The following ENTREP2 variants were observed in gnomAD, a reference collection of about 807,000 sequenced individuals.
ENTREP2 encodes endosomal transmembrane epsin interactor 2.
the ENTREP2 span, among the ~76,000 whole-genome samples, chr15:29,623,363 G>A: frequency 6.6e-6 from 1 of 152,308 alleles, no homozygotes; most frequent in Non-Finnish European, 1.5e-5. Flanking sequence ...ATAGCTAATT[G>A]TAATTTACTC....
At chr15:29,171,658 G>C in the ENTREP2 span, among the ~76,000 whole-genome samples, 2 of 152,004 alleles carry the variant, frequency 1.3e-5, no homozygotes, top group Non-Finnish European at 2.9e-5. Context: ...ATGTAAAGGC[G>C]ATTAGGTACT....
the ENTREP2 span, among the ~76,000 whole-genome samples, chr15:29,538,638 C>CAAAAAAAAAAAA: frequency 6.3e-5 from 5 of 78,972 alleles, no homozygotes; most frequent in East Asian, 3.8e-4. Flanking sequence ...ACTAAAAATA[C>CAAAAAAAAAAAA]AAAAAAAAAA....
the ENTREP2 span, among the ~76,000 whole-genome samples, chr15:29,422,546 A>AGTT: frequency 2.0e-5 from 3 of 152,228 alleles, no homozygotes; most frequent in Non-Finnish European, 4.4e-5. Flanking sequence ...ATAAGGGTAG[A>AGTT]GTACAAGACA....
chr15:29,234,298 A>G, the ENTREP2 span: 1 of 1,611,506 alleles, frequency 6.2e-7, no homozygotes, highest in African/African-American at 1.3e-5. Flanking sequence ...CTTTCGGGTC[A>G]AAAAGATATA....
the ENTREP2 span, among the ~76,000 whole-genome samples, chr15:29,588,101 C>T: frequency 0.67 from 102,425 of 152,052 alleles, 35,061 homozygotes; most frequent in South Asian, 0.79. Context: ...AAGACATGAA[C>T]TGAAACAAGA....
the ENTREP2 span, among the ~76,000 whole-genome samples, chr15:29,223,405 A>G: frequency 6.6e-6 from 1 of 152,066 alleles, no homozygotes; most frequent in African/African-American, 2.4e-5. Context: ...CCCAGCTCCA[A>G]TGGCTCTCTA....
chr15:29,566,400 G>A, the ENTREP2 span, among the ~76,000 whole-genome samples: 2 of 151,800 alleles, frequency 1.3e-5, no homozygotes, highest in Admixed American at 6.6e-5. Flanking sequence ...TCCTGACCTC[G>A]TGATCCACCT....
At chr15:29,551,972 G>A in the ENTREP2 span, among the ~76,000 whole-genome samples, 1 of 152,194 alleles carries the variant, frequency 6.6e-6, no homozygotes, top group African/African-American at 2.4e-5. Flanking sequence ...AAAAAATGCT[G>A]TGACTCCCTG....
chr15:29,126,368 A>G, the ENTREP2 span: 1 of 1,543,586 alleles, frequency 6.5e-7, no homozygotes, highest in Non-Finnish European at 8.7e-7. Context: ...CTCTGGAGAC[A>G]CATGGCCAGG....
the ENTREP2 span, chr15:29,265,959 A>G: frequency 6.6e-6 from 1 of 152,238 alleles, no homozygotes; most frequent in African/African-American, 2.4e-5. Context: ...TTTTTAAAGC[A>G]CTATACACAA....
the ENTREP2 span, among the ~76,000 whole-genome samples, chr15:29,621,588 C>CAAAAA: frequency 3.0e-3 from 177 of 58,834 alleles, 1 homozygote; most frequent in Non-Finnish European, 3.7e-3. Flanking sequence ...TGGCCACTAT[C>CAAAAA]AAAAAAAAAA....
the ENTREP2 span, among the ~76,000 whole-genome samples, chr15:29,530,672 G>A: frequency 6.6e-6 from 1 of 152,234 alleles, no homozygotes; most frequent in Non-Finnish European, 1.5e-5. Flanking sequence ...GCACCCAGTC[G>A]TTCCCTGTGT....
the ENTREP2 span, among the ~76,000 whole-genome samples, chr15:29,305,835 G>C: frequency 1.3e-5 from 2 of 152,236 alleles, no homozygotes; most frequent in African/African-American, 4.8e-5. Flanking sequence ...AGTTTTTAAA[G>C]CCATGGGTCT....
chr15:29,432,038 C>G, the ENTREP2 span, among the ~76,000 whole-genome samples: 2 of 152,140 alleles, frequency 1.3e-5, no homozygotes, highest in Non-Finnish European at 2.9e-5. Flanking sequence ...TAAAATGGCT[C>G]TCGGGCTGTA....
chr15:29,118,236 A>AGGAGT, the ENTREP2 span: 17 of 152,710 alleles, frequency 1.1e-4, no homozygotes, highest in African/African-American at 4.1e-4. Context: ...ACTGTATTCG[A>AGGAGT]GGAGTGCCGT....
At chr15:29,307,046 C>G in the ENTREP2 span, among the ~76,000 whole-genome samples, 1 of 152,118 alleles carries the variant, frequency 6.6e-6, no homozygotes, top group Non-Finnish European at 1.5e-5. Context: ...CTGCACCCAG[C>G]TGGCAAATAT....
At chr15:29,345,669 G>A in the ENTREP2 span, among the ~76,000 whole-genome samples, 1 of 151,072 alleles carries the variant, frequency 6.6e-6, no homozygotes, top group African/African-American at 2.4e-5. Context: ...ACACCCCCCA[G>A]GGATTCCTTC....
At chr15:29,391,991 ATT>A in the ENTREP2 span, among the ~76,000 whole-genome samples, 1 of 151,760 alleles carries the variant, frequency 6.6e-6, no homozygotes, top group Non-Finnish European at 1.5e-5. Flanking sequence ...TGCCTGGCTA[ATT>A]TTTTTTCCTA....
At chr15:29,383,176 T>C in the ENTREP2 span, among the ~76,000 whole-genome samples, 2 of 152,216 alleles carry the variant, frequency 1.3e-5, no homozygotes, top group Admixed American at 1.3e-4. Context: ...CACTGGTATC[T>C]GCACAGGTGA....
Sources: gnomAD v4.1 joint callset for allele counts (sites outside exome capture counted in the v4.1 genomes callset) on GRCh38, gnomAD v4.1.1 for gene constraint, MANE v1.5 for transcripts, NCBI Gene and HGNC (gene_info 2026-07-23, HGNC 2026-07-21) for gene names.